Variants in MERTK observed in about 807,000 individuals in gnomAD.
MERTK encodes tyrosine-protein kinase Mer.
In MERTK, 69 loss-of-function variants were observed where a neutral mutation model predicts 99.3. That is an observed-to-expected ratio of 0.70 (90% CI 0.57 to 0.85). The LOEUF is 0.85. MERTK is among the 40% of genes least tolerant of loss of function. The pLI is 0.00. For synonymous variants in MERTK, 426 were observed against 467.6 expected (o/e 0.91, Z 1.15); for missense variants, 1,125 against 1,249.4 (o/e 0.90, Z 1.50).
intron 6 of MERTK, among the ~76,000 whole-genome samples, chr2:111,970,169 T>A (rs1256608195): frequency 2.0e-5 from 3 of 151,656 alleles, no homozygotes; most frequent in Non-Finnish European, 4.4e-5. Context: ...TTTTTTTTTT[T>A]AATTTGAGAC....
rs1684151072 is a variant in MERTK, at chr2:111,907,090, A to G, written c.61+8294A>G. Among the ~76,000 whole-genome samples the G allele has an allele frequency of 2.0e-5, 3 of 152,076 alleles. No individual in the cohort carries two copies. In the South Asian group the frequency reaches 6.2e-4, roughly 32 times the overall value. Reference sequence around the variant, plus strand: ...TTCTTAGACATCAGCCCAGAAACGGAGATGGAGGCTGTGTGAAGAGTTTCA... The same window carrying G: ...TTCTTAGACATCAGCCCAGAAACGGGGATGGAGGCTGTGTGAAGAGTTTCA... On this transcript the variant is annotated intron_variant, in intron 1 of 18. Coordinates refer to ENST00000295408, the MANE Select transcript of MERTK (RefSeq NM_006343.3).
intron 1 of MERTK, among the ~76,000 whole-genome samples, chr2:111,904,663 C>T (rs1684105336): frequency 1.3e-5 from 2 of 152,204 alleles, no homozygotes; most frequent in Non-Finnish European, 2.9e-5. Flanking sequence ...AGTGAACCAC[C>T]TCACCCAGCT....
intron 4 of MERTK, among the ~76,000 whole-genome samples, chr2:111,963,822 G>A (rs1321718079): frequency 1.3e-5 from 2 of 151,966 alleles, no homozygotes; most frequent in Admixed American, 6.6e-5. Context: ...CAGGTTTTAG[G>A]TATCACTGGT....
intron 1 of MERTK, among the ~76,000 whole-genome samples, chr2:111,907,279 T>C (rs1387415730): frequency 6.6e-6 from 1 of 152,158 alleles, no homozygotes; most frequent in Non-Finnish European, 1.5e-5. Flanking sequence ...CCAGGCGTGG[T>C]GGCGCATGCC....
At chr2:111,995,107 A>G (rs1676707902) in intron 9 of MERTK, 1 of 159,264 alleles carries the variant, frequency 6.3e-6, no homozygotes, top group Non-Finnish European at 1.4e-5. Flanking sequence ...CTGCTTTGCC[A>G]TGTTTTTACC....
intron 2 of MERTK, among the ~76,000 whole-genome samples, chr2:111,932,890 C>T (rs901019547): frequency 4.6e-5 from 7 of 151,996 alleles, no homozygotes; most frequent in Non-Finnish European, 1.0e-4. Context: ...CCGAAGGGGA[C>T]GTTATCTCAG....
In MERTK at chr2:112,014,935, G is replaced by A. The variant is rs528461223; in HGVS notation, c.2080-4478G>A. On this transcript the variant is annotated intron_variant, in intron 15 of 18. Coordinates refer to ENST00000295408, the MANE Select transcript of MERTK (RefSeq NM_006343.3). ...ATTACAGGTGTGAGCCACTGCACCC[G>A]GCCATTTTATAACCTTTTGAGACTG... Among the ~76,000 whole-genome samples, 253 of 152,124 alleles carry A rather than the reference G, an allele frequency of 1.7e-3. 3 individuals carry two copies. The highest frequency in any genetic ancestry group is 5.4e-3 in the African/African-American group (226 of 41,490).
At chr2:111,957,372 A>G (rs1685168260) in intron 4 of MERTK, among the ~76,000 whole-genome samples, 2 of 152,258 alleles carry the variant, frequency 1.3e-5, no homozygotes, top group South Asian at 2.1e-4. Flanking sequence ...GCCTCTGCCT[A>G]GAACCTCCCC....
At chr2:111,958,164 A>C (rs1362733174) in intron 4 of MERTK, among the ~76,000 whole-genome samples, 2 of 152,138 alleles carry the variant, frequency 1.3e-5, no homozygotes, top group African/African-American at 4.8e-5. Flanking sequence ...TGGGGGTTCC[A>C]GTGCCCGGGG....
chr2:111,925,057 C>CT (rs974028300), intron 1 of MERTK, among the ~76,000 whole-genome samples: 1 of 151,698 alleles, frequency 6.6e-6, no homozygotes, highest in Non-Finnish European at 1.5e-5. Flanking sequence ...GAAGGCCTCC[C>CT]TGATGCTATG....
intron 18 of MERTK, among the ~76,000 whole-genome samples, chr2:112,026,490 A>G (rs758890547): frequency 2.6e-5 from 4 of 152,246 alleles, no homozygotes; most frequent in Non-Finnish European, 5.9e-5. Flanking sequence ...AAACAGAGTC[A>G]TGCAAATTGA....
intron 15 of MERTK, among the ~76,000 whole-genome samples, chr2:112,011,346 A>G (rs1348987955): frequency 6.6e-6 from 1 of 152,032 alleles, no homozygotes; most frequent in Non-Finnish European, 1.5e-5. Context: ...AGTTCTGCAC[A>G]CTCCCCTGTA....
At chr2:111,946,273 A>AT (rs1684960064) in intron 3 of MERTK, among the ~76,000 whole-genome samples, 1 of 152,178 alleles carries the variant, frequency 6.6e-6, no homozygotes, top group African/African-American at 2.4e-5. Context: ...AGGAGATTTT[A>AT]TTTGTCAGAA....
chr2:111,964,033 A>C (rs1185233721), intron 4 of MERTK, among the ~76,000 whole-genome samples: 2 of 50,902 alleles, frequency 3.9e-5, no homozygotes, highest in Non-Finnish European at 9.2e-5. Context: ...TCCACTCAAA[A>C]ATTTTCTTTC....
Position 112,003,190 on chromosome 2 carries a change from A to G in MERTK, c.1786+3A>G. 1 of 1,349,066 alleles carries G rather than the reference A, an allele frequency of 7.4e-7. No individual in the cohort carries two copies. Among genetic ancestry groups the G allele is most frequent in the Non-Finnish European group, 1.1e-6 (1 of 938,910 alleles). The allele number at this position is 1,349,066 out of a possible 1,614,324, so 83.6% of individuals were successfully genotyped here. A position where few individuals can be genotyped will look rare whatever the true frequency, so the allele number is the denominator to read the frequency against. On this transcript the variant is annotated splice_donor_region_variant and intron_variant, in intron 12 of 18. Coordinates refer to ENST00000295408, the MANE Select transcript of MERTK (RefSeq NM_006343.3). ...TCTTGGAAAAATTCTGGGTGAAGGT[A>G]AGCAATTTAAAGTAATTCTTTTAAA...
chr2:111,964,771 G>A (rs1047061553), intron 4 of MERTK, among the ~76,000 whole-genome samples: 12 of 152,150 alleles, frequency 7.9e-5, no homozygotes, highest in African/African-American at 2.7e-4. Flanking sequence ...TTTTTAAACT[G>A]TGGCTTTTAT....
chr2:111,922,920 T>C (rs565300539), intron 1 of MERTK, among the ~76,000 whole-genome samples: 1 of 152,352 alleles, frequency 6.6e-6, no homozygotes, highest in African/African-American at 2.4e-5. Context: ...TAACATTCTT[T>C]ACTGGCTTGC....
chr2:111,961,119 C>A (rs1227348676), intron 4 of MERTK, among the ~76,000 whole-genome samples: 1 of 150,544 alleles, frequency 6.6e-6, no homozygotes, highest in Non-Finnish European at 1.5e-5. Flanking sequence ...TGGCTTCTAC[C>A]AGGAGTTTTT....
At chr2:111,945,217 T>C (rs968877749) in intron 3 of MERTK, among the ~76,000 whole-genome samples, 157 bp downstream of exon 3, 1 of 152,218 alleles carries the variant, frequency 6.6e-6, no homozygotes, top group Non-Finnish European at 1.5e-5. Context: ...TACAAGGTAC[T>C]CCACTTTGTA....
Sources: gnomAD v4.1 joint callset for allele counts (sites outside exome capture counted in the v4.1 genomes callset) on GRCh38, gnomAD v4.1.1 for gene constraint, MANE v1.5 for transcripts, NCBI Gene and HGNC (gene_info 2026-07-23, HGNC 2026-07-21) for gene names.